CLSTN2: variants seen among roughly 807,000 people sequenced by gnomAD.
CLSTN2 encodes the protein calsyntenin-2.
A neutral mutation model predicts 101.2 loss-of-function variants in CLSTN2; 48 were observed. The observed-to-expected ratio is 0.47, with a 90% CI of 0.38 to 0.60. The LOEUF (loss-of-function observed/expected upper bound fraction) is 0.60. Ranked by LOEUF, CLSTN2 falls within the 20% of genes least tolerant of loss-of-function variation. CLSTN2 has a pLI of 0.00. For missense variants in CLSTN2, 1,160 were observed against 1,238.2 expected, an observed-to-expected ratio of 0.94 and a Z score of 0.95; for synonymous variants, 481 against 463.6, an observed-to-expected ratio of 1.04 and a Z score of -0.48.
intron 1 of CLSTN2, among the ~76,000 whole-genome samples, chr3:140,170,990 C>T (rs2010203428): frequency 6.6e-6 from 1 of 152,158 alleles, no homozygotes; most frequent in Non-Finnish European, 1.5e-5. Flanking sequence ...TTTAGATAGG[C>T]ACAATGAATC....
At chr3:140,135,105 CACACACACACACAT>C (rs1304357281) in intron 1 of CLSTN2, among the ~76,000 whole-genome samples, 275 of 53,224 alleles carry the variant, frequency 5.2e-3, no homozygotes, top group African/African-American at 0.022. Flanking sequence ...CACACACACA[CACACACACACACAT>C]ATATATATAT....
chr3:140,214,921 C>T (rs925444479), intron 2 of CLSTN2, among the ~76,000 whole-genome samples: 1 of 152,288 alleles, frequency 6.6e-6, no homozygotes, highest in South Asian at 2.1e-4. Flanking sequence ...CTATTATATG[C>T]ACGTTAATCA....
intron 8 of CLSTN2, among the ~76,000 whole-genome samples, chr3:140,520,113 A>C (rs1417418989): frequency 6.6e-6 from 1 of 152,138 alleles, no homozygotes; most frequent in African/African-American, 2.4e-5. Flanking sequence ...ATTCCTAAAG[A>C]ATGTTGAATA....
intron 2 of CLSTN2, among the ~76,000 whole-genome samples, chr3:140,293,220 G>A (rs1174970639): frequency 6.6e-6 from 1 of 152,212 alleles, no homozygotes; most frequent in African/African-American, 2.4e-5. Context: ...TTGATAAGCA[G>A]GTGAACTCTT....
At chr3:140,429,432 T>C (rs1470500800) in intron 5 of CLSTN2, among the ~76,000 whole-genome samples, 2 of 152,074 alleles carry the variant, frequency 1.3e-5, no homozygotes, top group Non-Finnish European at 2.9e-5. Context: ...TACTGGGCTT[T>C]AGCACAGAGA....
At chr3:140,422,572 C>G (rs2088517762) in intron 5 of CLSTN2, among the ~76,000 whole-genome samples, 1 of 152,054 alleles carries the variant, frequency 6.6e-6, no homozygotes, top group South Asian at 2.1e-4. Flanking sequence ...TGCCTTTGAA[C>G]AAAGTAGAAA....
chr3:140,417,984 G>A (rs1423166936), intron 4 of CLSTN2, among the ~76,000 whole-genome samples: 1 of 152,188 alleles, frequency 6.6e-6, no homozygotes, highest in African/African-American at 2.4e-5. Context: ...GCAACAAATT[G>A]AGCCAAGGAT....
At chr3:140,156,286 A>G (rs2009952501) in intron 1 of CLSTN2, among the ~76,000 whole-genome samples, 2 of 152,146 alleles carry the variant, frequency 1.3e-5, no homozygotes, top group South Asian at 2.1e-4. Flanking sequence ...CACTTGTTCT[A>G]CGATGTTTCA....
intron 1 of CLSTN2, among the ~76,000 whole-genome samples, chr3:140,123,714 C>T (rs2009381871): frequency 6.6e-6 from 1 of 152,088 alleles, no homozygotes; most frequent in Admixed American, 6.6e-5. Context: ...GGTAAGGCCT[C>T]TCATCCTGGC....
chr3:140,144,392 G>C (rs2009750478), intron 1 of CLSTN2, among the ~76,000 whole-genome samples: 1 of 152,172 alleles, frequency 6.6e-6, no homozygotes, highest in Admixed American at 6.5e-5. Context: ...TGGATCGCCT[G>C]AGGTCAGGAG....
chr3:140,031,540 G>C (rs1013954928), intron 1 of CLSTN2, among the ~76,000 whole-genome samples: 2 of 152,186 alleles, frequency 1.3e-5, no homozygotes, highest in African/African-American at 4.8e-5. Context: ...CCAACTTTCA[G>C]GAACTAAATA....
At chr3:139,938,278 C>T (rs1311723800) in intron 1 of CLSTN2, among the ~76,000 whole-genome samples, 1 of 152,076 alleles carries the variant, frequency 6.6e-6, no homozygotes, top group Non-Finnish European at 1.5e-5. Flanking sequence ...GTTGAATGCA[C>T]CCTCCAAACA....
intron 2 of CLSTN2, among the ~76,000 whole-genome samples, chr3:140,246,909 A>C (rs2086522951): frequency 1.3e-5 from 2 of 152,090 alleles, no homozygotes; most frequent in Non-Finnish European, 2.9e-5. Context: ...ACCGAATCCT[A>C]GGGTTATTAA....
intron 1 of CLSTN2, among the ~76,000 whole-genome samples, chr3:139,951,921 T>A (rs1125686): frequency 0.88 from 133,941 of 152,212 alleles, 59,974 homozygotes; most frequent in East Asian, 1. Flanking sequence ...GGATAATTTA[T>A]AGAGGTGAGG....
intron 2 of CLSTN2, among the ~76,000 whole-genome samples, chr3:140,231,646 T>C (rs1235972322): frequency 6.6e-6 from 1 of 152,198 alleles, no homozygotes; most frequent in Non-Finnish European, 1.5e-5. Flanking sequence ...GTCACGTTGC[T>C]CCATTATCTC....
At chr3:140,045,628 C>A (rs2007861662) in intron 1 of CLSTN2, among the ~76,000 whole-genome samples, 1 of 152,224 alleles carries the variant, frequency 6.6e-6, no homozygotes, top group African/African-American at 2.4e-5. Flanking sequence ...AATTTTAGAT[C>A]TTTCCTGCTT....
chr3:140,071,030 G>A (rs1379148433), intron 1 of CLSTN2, among the ~76,000 whole-genome samples: 1 of 152,270 alleles, frequency 6.6e-6, no homozygotes, highest in East Asian at 1.9e-4. Flanking sequence ...GGCAAGACTA[G>A]CCTTATCGAA....
intron 2 of CLSTN2, among the ~76,000 whole-genome samples, chr3:140,320,617 G>T (rs1479306150): frequency 6.8e-6 from 1 of 147,946 alleles, no homozygotes; most frequent in South Asian, 2.3e-4. Context: ...TTTGCGGGGG[G>T]GGGCAGGGGT....
intron 2 of CLSTN2, among the ~76,000 whole-genome samples, chr3:140,181,378 C>T (rs184019529): frequency 7.0e-6 from 1 of 143,294 alleles, no homozygotes; most frequent in African/African-American, 2.5e-5. Flanking sequence ...CAGTAAGCCA[C>T]AAGTGTTTGA....
Sources: gnomAD v4.1 joint callset for allele counts (sites outside exome capture counted in the v4.1 genomes callset) on GRCh38, gnomAD v4.1.1 for gene constraint, MANE v1.5 for transcripts, NCBI Gene and HGNC (gene_info 2026-07-23, HGNC 2026-07-21) for gene names.